FKTN: variants seen among roughly 807,000 people sequenced by gnomAD.
FKTN encodes fukutin.
FKTN carries 47 observed loss-of-function variants against 58.6 expected under a neutral mutation model. The observed-to-expected ratio is 0.80, with a 90% confidence interval of 0.63 to 1.02. FKTN has a LOEUF of 1.02. Among genes scored for constraint, FKTN ranks in the 50% least tolerant of loss-of-function variants. The pLI is 0.00. For synonymous variants in FKTN, 178 were observed against 191.9 expected (o/e 0.93, Z 0.60); for missense variants, 516 against 537.3 (o/e 0.96, Z 0.39).
At chr9:105,600,044 A>G (rs1827597368) in intron 4 of FKTN, among the ~76,000 whole-genome samples, 1 of 152,018 alleles carries the variant, frequency 6.6e-6, no homozygotes, top group Admixed American at 6.6e-5. Context: ...GTTTTGTTAA[A>G]TTGTATTTTT....
intron 3 of FKTN, among the ~76,000 whole-genome samples, chr9:105,581,452 G>A (rs1225066354): frequency 6.7e-6 from 1 of 149,650 alleles, no homozygotes; most frequent in African/African-American, 2.5e-5. Context: ...TGCCCCTGCT[G>A]CGGGGTGCCT....
Position 105,635,395 on chromosome 9 carries a change from A to G in FKTN, c.*131A>G, listed in dbSNP as rs142240594. The G allele has an allele frequency of 7.3e-6, 11 of 1,513,712 alleles. No homozygotes were observed. The African/African-American group carries it at 1.5e-4, about 21-fold the overall frequency. 93.8% of individuals were successfully genotyped at this position (1,513,712 alleles called of 1,614,324 possible). A position where few individuals can be genotyped will look rare whatever the true frequency, so the allele number is the denominator to read the frequency against. On this transcript the variant is annotated 3_prime_UTR_variant, in exon 11 of 11. Coordinates refer to ENST00000357998, the MANE Select transcript of FKTN (RefSeq NM_001079802.2). ...ATGTGACAAGTTTGAAGACACAGAA[A>G]GAGTCATCTGATGTAATTCTCTCAC... is the stretch of plus-strand genomic sequence containing the variant.
intron 10 of FKTN, among the ~76,000 whole-genome samples, chr9:105,625,606 G>T (rs1287331951): frequency 6.6e-6 from 1 of 152,154 alleles, no homozygotes; most frequent in African/African-American, 2.4e-5. Context: ...GTGACCGGAA[G>T]AAATGGTAAA....
Position 105,639,711 on chromosome 9 carries a change from G to T in FKTN, c.*4447G>T. 5 of 943,200 alleles carry T rather than the reference G, an allele frequency of 5.3e-6. No individual in the cohort carries two copies. The highest frequency in any genetic ancestry group is 6.4e-6 in the Non-Finnish European group (5 of 783,808). 58.4% of individuals were successfully genotyped at this position (943,200 alleles called of 1,614,324 possible). On this transcript the variant is annotated 3_prime_UTR_variant, in exon 11 of 11. Coordinates refer to ENST00000357998, the MANE Select transcript of FKTN (RefSeq NM_001079802.2). ...TTATATTACATTAATACAATATATG[G>T]TTTGTGAATTCAGAGACATTACCAG...
intron 1 of FKTN, among the ~76,000 whole-genome samples, chr9:105,566,560 T>A (rs1249899655): frequency 6.6e-6 from 1 of 152,004 alleles, no homozygotes; most frequent in Non-Finnish European, 1.5e-5. Context: ...ATGGATAAAT[T>A]CCTTGACACA....
intron 2 of FKTN, chr9:105,574,389 A>C (rs1841310618): frequency 6.6e-6 from 1 of 152,250 alleles, no homozygotes; most frequent in South Asian, 2.1e-4. Context: ...ATCAGAGATG[A>C]GACCTAAGAT....
Position 105,640,185 on chromosome 9 carries a change from A to G in FKTN, c.*4921A>G. The G allele has an allele frequency of 1.3e-6, 2 of 1,531,826 alleles. No individual in the cohort carries two copies. The highest frequency in any genetic ancestry group is 1.2e-5 in the South Asian group (1 of 83,228). 94.9% of individuals were successfully genotyped at this position (1,531,826 alleles called of 1,614,324 possible). A position where few individuals can be genotyped will look rare whatever the true frequency, so the allele number is the denominator to read the frequency against. Reference sequence around the variant, plus strand: ...TAATTACAGTTCATAAGTGAAACAGACTAATTCAATGGCAATACCTTTTGT... The same window carrying G: ...TAATTACAGTTCATAAGTGAAACAGGCTAATTCAATGGCAATACCTTTTGT... On this transcript the variant is annotated 3_prime_UTR_variant, in exon 11 of 11. Transcript: ENST00000357998.
chr9:105,582,063 G>C (rs948465563), intron 3 of FKTN, among the ~76,000 whole-genome samples: 3 of 152,088 alleles, frequency 2.0e-5, no homozygotes, highest in Non-Finnish European at 4.4e-5. Flanking sequence ...TGCGCCCACT[G>C]TCTGGCACTC....
At chr9:105,628,524 G>C (rs1430761844) in intron 10 of FKTN, among the ~76,000 whole-genome samples, 1 of 152,060 alleles carries the variant, frequency 6.6e-6, no homozygotes, top group African/African-American at 2.4e-5. Flanking sequence ...CTGTCGAATA[G>C]TTTGTTGTTT....
In FKTN at chr9:105,641,064, T is replaced by C. The variant is rs901507311; in HGVS notation, c.*5800T>C. The C allele has an allele frequency of 1.2e-4, 19 of 152,236 alleles. No individual in the cohort carries two copies. The highest frequency in any genetic ancestry group is 4.3e-4 in the African/African-American group (18 of 41,466). The allele number at this position is 152,236 out of a possible 1,614,324, so 9.4% of individuals were successfully genotyped here. A position where few individuals can be genotyped will look rare whatever the true frequency, so the allele number is the denominator to read the frequency against. On this transcript the variant is annotated 3_prime_UTR_variant, in exon 11 of 11. Coordinates refer to ENST00000357998, the MANE Select transcript of FKTN (RefSeq NM_001079802.2). ...ACCTTTAATATTATTTTCATCAGAATTTGTAATATATAATCCAGTTTGGGA... is the reference window on the plus strand; with the variant it reads ...ACCTTTAATATTATTTTCATCAGAACTTGTAATATATAATCCAGTTTGGGA...
Position 105,617,989 on chromosome 9 carries a change from A to G in FKTN, c.941A>G (p.Tyr314Cys), listed in dbSNP as rs1451453111. The G allele has an allele frequency of 1.3e-6, 2 of 1,588,612 alleles. No homozygotes were observed. The highest frequency in any genetic ancestry group is 1.7e-6 in the Non-Finnish European group (2 of 1,156,854). The change falls in exon 9 of 11, where the codon TAT (tyrosine) becomes TGT (cysteine). Residue 314 changes from tyrosine (Y) to cysteine (C), a missense_variant. Physicochemically the swap from Tyr to Cys is radical, Grantham distance 194. Transcript: ENST00000357998. ...TATCGACAATGCAACATTATTCCTT[A>G]TAGCAAAGATGTTGACCTAGGAATT... The part of the protein sequence containing the change: ...GWYRQCNIIP[Y>C]SKDVDLGIFI...
At chr9:105,575,648 C>T (rs1429212757) in intron 3 of FKTN, among the ~76,000 whole-genome samples, 1 of 152,056 alleles carries the variant, frequency 6.6e-6, no homozygotes, top group African/African-American at 2.4e-5. Context: ...TGAAAAGTTG[C>T]CAAACACTCC....
rs1363186848 is a variant in FKTN, at chr9:105,638,859, C to T, written c.*3595C>T. 4.3e-5 allele frequency: 42 copies of T among 984,306 alleles called. No homozygotes were observed. Among genetic ancestry groups the T allele is most frequent in the African/African-American group, 5.3e-5 (3 of 57,138 alleles). The allele number at this position is 984,306 out of a possible 1,614,324, so 61.0% of individuals were successfully genotyped here. On this transcript the variant is annotated 3_prime_UTR_variant, in exon 11 of 11. Coordinates refer to ENST00000357998, the MANE Select transcript of FKTN (RefSeq NM_001079802.2). Reference sequence around the variant, plus strand: ...TCAAACCATTGTTTTTATTCTTACACGACTACAGTACTTCAAATGGCACAT... The same window carrying T: ...TCAAACCATTGTTTTTATTCTTACATGACTACAGTACTTCAAATGGCACAT...
chr9:105,574,870 G>A (rs1841386886), intron 2 of FKTN, 75 bp from the exon 3 acceptor site: 2 of 619,626 alleles, frequency 3.2e-6, no homozygotes, highest in Admixed American at 2.7e-5. Flanking sequence ...TTTTTTCTTT[G>A]TTCTATTGTT....
intron 7 of FKTN, among the ~76,000 whole-genome samples, chr9:105,613,916 G>A (rs1258805655): frequency 6.6e-6 from 1 of 152,188 alleles, no homozygotes; most frequent in Non-Finnish European, 1.5e-5. Flanking sequence ...GTTTTGCAGA[G>A]GTTGGAGCTG....
At chr9:105,632,988 CATGT>C (rs1487770104) in intron 10 of FKTN, among the ~76,000 whole-genome samples, 1 of 152,188 alleles carries the variant, frequency 6.6e-6, no homozygotes, top group South Asian at 2.1e-4. Context: ...GAGTGCATGG[CATGT>C]GCTGTTCTGT....
chr9:105,581,299 T>C (rs1383680581), intron 3 of FKTN, among the ~76,000 whole-genome samples: 1 of 148,112 alleles, frequency 6.8e-6, no homozygotes, highest in African/African-American at 2.5e-5. Context: ...TTTGTGGTTT[T>C]ATCTACTTTT....
At chr9:105,569,455 A>G (rs561927554) in intron 1 of FKTN, among the ~76,000 whole-genome samples, 1 of 152,190 alleles carries the variant, frequency 6.6e-6, no homozygotes, top group East Asian at 1.9e-4. Context: ...ATCTTGACAC[A>G]TAGTAAATTT....
intron 3 of FKTN, among the ~76,000 whole-genome samples, chr9:105,583,903 G>T (rs1339434794): frequency 6.6e-6 from 1 of 152,044 alleles, no homozygotes; most frequent in Non-Finnish European, 1.5e-5. Context: ...TTAACCAATT[G>T]TCCCAATATC....
Sources: gnomAD v4.1 joint callset for allele counts (sites outside exome capture counted in the v4.1 genomes callset) on GRCh38, gnomAD v4.1.1 for gene constraint, MANE v1.5 for transcripts, NCBI Gene and HGNC (gene_info 2026-07-23, HGNC 2026-07-21) for gene names.